Variants in MMGT1 observed in about 807,000 individuals in gnomAD.
MMGT1 encodes ER membrane protein complex subunit 5.
MMGT1 carries 2 observed loss-of-function variants against 11.7 expected under a neutral mutation model. That is an observed-to-expected ratio of 0.17 (90% CI 0.07 to 0.54). The LOEUF (loss-of-function observed/expected upper bound fraction) is 0.54. MMGT1 is among the 20% of genes least tolerant of loss of function. MMGT1 has a pLI of 0.94. For missense variants in MMGT1, 74 were observed against 109.0 expected (o/e 0.68, Z 1.43); for synonymous variants, 49 against 44.4 (o/e 1.10, Z -0.41).
intron 3 of MMGT1, among the ~76,000 whole-genome samples, chrX:135,965,424 T>C (rs2089179909): frequency 9.0e-6 from 1 of 111,585 alleles, no homozygotes; most frequent in Non-Finnish European, 1.9e-5. Flanking sequence ...AAAATAGAGA[T>C]AGGGTCTCAT....
intron 3 of MMGT1, among the ~76,000 whole-genome samples, chrX:135,966,667 C>T (rs2089188116): frequency 1.8e-5 from 2 of 111,641 alleles, no homozygotes; most frequent in Admixed American, 9.6e-5. Context: ...TCCTCTAACA[C>T]ATAAATGTTC....
At chrX:135,970,925 GAAAA>G in intron 2 of MMGT1, 129 bp downstream of exon 2, 1 of 456,638 alleles carries the variant, frequency 2.2e-6, no homozygotes, top group Non-Finnish European at 3.9e-6. Context: ...GAAAAGAAAA[GAAAA>G]GAAAAGTGGA....
rs1281575771 is a variant in MMGT1 at position 135,962,630 on chromosome X, T to C, written c.*2394A>G. The C allele has an allele frequency of 9.0e-6, 1 of 111,613 alleles. No individual in the cohort carries two copies. The highest frequency in any genetic ancestry group is 1.9e-5 in the Non-Finnish European group (1 of 53,110). The allele number at this position is 111,613 out of a possible 1,213,427, so 9.2% of individuals were successfully genotyped here. A position where few individuals can be genotyped will look rare whatever the true frequency, so the allele number is the denominator to read the frequency against. ...CACTGGAGTAAATGAAAAAAGAAAT[T>C]TGGGGAGCTCACCTGGCCTGAGGTA... On this transcript the variant is annotated 3_prime_UTR_variant, in exon 4 of 4. Transcript: ENST00000305963.
At chrX:135,970,863 C>G (rs1556612529) in intron 2 of MMGT1, among the ~76,000 whole-genome samples, 195 bp downstream of exon 2, 1 of 111,753 alleles carries the variant, frequency 8.9e-6, no homozygotes, top group Admixed American at 9.5e-5. Flanking sequence ...GAGCTGAGAT[C>G]AGGCCACTGC....
In MMGT1 at chrX:135,973,984, A is replaced by G; in HGVS notation, c.-309T>C. 1 of 970,422 alleles carries G rather than the reference A, an allele frequency of 1.0e-6. No individual in the cohort carries two copies. The highest frequency in any genetic ancestry group is 1.4e-6 in the Non-Finnish European group (1 of 734,232). The allele number at this position is 970,422 out of a possible 1,213,427, so 80.0% of individuals were successfully genotyped here. A position where few individuals can be genotyped will look rare whatever the true frequency, so the allele number is the denominator to read the frequency against. ...CGAAAGCGGGAGCTACGGGGAAGCG[A>G]AGAGGAAGGGCGCCGGCAAATGGGG... On this transcript the variant is annotated 5_prime_UTR_variant, in exon 1 of 4. Transcript: ENST00000305963.
intron 1 of MMGT1, 116 bp downstream of exon 1, chrX:135,973,481 G>A (rs782115844): frequency 1.5e-5 from 9 of 597,762 alleles, no homozygotes; most frequent in Non-Finnish European, 2.4e-5. Flanking sequence ...ACCCCAAACT[G>A]TAAGGTCTCA....
Position 135,961,157 on chromosome X carries a change from A to G in MMGT1, c.*3867T>C, listed in dbSNP as rs1249781675. Among the ~76,000 whole-genome samples, 3 of 111,745 alleles carry G rather than the reference A, an allele frequency of 2.7e-5. No homozygotes were observed. Among genetic ancestry groups the G allele is most frequent in the African/African-American group, 9.8e-5 (3 of 30,765 alleles). On this transcript the variant is annotated 3_prime_UTR_variant, in exon 4 of 4. Coordinates refer to ENST00000305963, the MANE Select transcript of MMGT1 (RefSeq NM_173470.3). ...TATATGTACAAGTATATTCACCACA[A>G]TGTGATTTAATATTGGAAACAACCT...
rs782411501 is a variant in MMGT1 at position 135,965,060 on chromosome X, T to G, written c.360A>C (p.Ser120=). Reference sequence around the variant, plus strand: ...GTGATTCGAGTTTTCGTAACTTCAATGATGTGTTAGAGGACAATGCATCTT... The same window carrying G: ...GTGATTCGAGTTTTCGTAACTTCAAGGATGTGTTAGAGGACAATGCATCTT... ...SNQDALSSNT[S]LKLRKLESLR... is the part of the protein sequence containing the mutation. Residue 120 remains serine (S), a synonymous_variant, in exon 4 of 4, where the codon TCA becomes TCC. Coordinates refer to ENST00000305963, the MANE Select transcript of MMGT1 (RefSeq NM_173470.3). The G allele has an allele frequency of 8.3e-7, 1 of 1,209,902 alleles. No individual in the cohort carries two copies. Among genetic ancestry groups the G allele is most frequent in the South Asian group, 1.8e-5 (1 of 56,748 alleles).
Position 135,971,076 on chromosome X carries a change from A to T in MMGT1, c.114T>A (p.Asp38Glu), listed in dbSNP as rs952095419. Residue 38 changes from aspartate (D) to glutamate (E), a missense_variant, in exon 2 of 4, where the codon GAT becomes GAA. Coordinates refer to ENST00000305963, the MANE Select transcript of MMGT1 (RefSeq NM_173470.3). ...AACTTACATCTATTGGCAGTGATTC[A>T]TCTTCTTTTTCTGTTAATCGCATAT... ...RSYMRLTEKE[D>E]ESLPIDIVLQ... is the part of the protein sequence containing the mutation. The T allele has an allele frequency of 3.4e-6, 4 of 1,184,304 alleles. No individual in the cohort carries two copies. Among genetic ancestry groups the T allele is most frequent in the South Asian group, 1.8e-5 (1 of 55,762 alleles).
At chrX:135,972,362 G>GA (rs1209731522) in intron 1 of MMGT1, among the ~76,000 whole-genome samples, 1 of 112,473 alleles carries the variant, frequency 8.9e-6, no homozygotes, top group Non-Finnish European at 1.9e-5. Context: ...TCTTGAAGAA[G>GA]AATGTGTTTA....
intron 2 of MMGT1, among the ~76,000 whole-genome samples, chrX:135,969,621 A>G (rs1334236795): frequency 8.9e-6 from 1 of 112,061 alleles, no homozygotes; most frequent in Non-Finnish European, 1.9e-5. Context: ...TACAGGCGTG[A>G]GCCACCATGC....
In MMGT1 at chrX:135,961,656, T is replaced by C. The variant is rs782355670; in HGVS notation, c.*3368A>G. On this transcript the variant is annotated 3_prime_UTR_variant, in exon 4 of 4. Transcript: ENST00000305963. ...TGTAGATAAGTGCCAAGTTTTGCAATTTAGAACTTCCCCTTGGATTTTCAT... is the reference window on the plus strand; with the variant it reads ...TGTAGATAAGTGCCAAGTTTTGCAACTTAGAACTTCCCCTTGGATTTTCAT... Among the ~76,000 whole-genome samples, 19 of 111,772 alleles carry C rather than the reference T, an allele frequency of 1.7e-4. 1 individual carries two copies. In the South Asian group the frequency reaches 6.3e-3, roughly 37 times the overall value.
intron 3 of MMGT1, 23 bp downstream of exon 3, chrX:135,967,367 C>A (rs1556612085): frequency 3.3e-6 from 3 of 913,796 alleles, no homozygotes; most frequent in Admixed American, 5.0e-5. Context: ...AAATGCAATG[C>A]CTATGAAAAG....
intron 2 of MMGT1, among the ~76,000 whole-genome samples, chrX:135,969,656 AAC>A (rs782316365): frequency 1.8e-5 from 2 of 112,320 alleles, no homozygotes; most frequent in South Asian, 7.3e-4. Context: ...TGTTTTATAT[AAC>A]ACAGTCACAG....
At chrX:135,966,916 G>C (rs2089189757) in intron 3 of MMGT1, among the ~76,000 whole-genome samples, 1 of 111,169 alleles carries the variant, frequency 9.0e-6, no homozygotes, top group South Asian at 3.8e-4. Flanking sequence ...CCTGGGAGCA[G>C]AGCTTATCTC....
chrX:135,965,127 C>T lies in MMGT1; in HGVS notation c.293G>A (p.Arg98Gln). The change falls in exon 4 of 4, where the codon CGA (arginine) becomes CAA (glutamine). Residue 98 changes from arginine to glutamine, a missense_variant. This residue lies in a region of MMGT1 where 34 missense variants were observed against 29.3 expected (regional missense o/e 1.16). Transcript: ENST00000305963. ...TGTATCCGAAGGCCGGAAAAGTACT[C>T]GACCACGATGATTAAATACATAAAA... ...PSFYVFNHRG[R>Q]VLFRPSDTAN... is the part of the protein sequence containing the mutation. 1 of 1,208,051 alleles carries T rather than the reference C, an allele frequency of 8.3e-7. No individual in the cohort carries two copies. The highest frequency in any genetic ancestry group is 1.1e-6 in the Non-Finnish European group (1 of 892,586).
chrX:135,965,636 T>C (rs888446691), intron 3 of MMGT1, among the ~76,000 whole-genome samples: 1 of 111,013 alleles, frequency 9.0e-6, no homozygotes, highest in Non-Finnish European at 1.9e-5. Context: ...ACTCCTAGGA[T>C]CAAGCAATTC....
chrX:135,972,044 A>G (rs1013863442), intron 1 of MMGT1, among the ~76,000 whole-genome samples: 2 of 112,194 alleles, frequency 1.8e-5, no homozygotes, highest in African/African-American at 3.2e-5. Context: ...GATACAGTAA[A>G]TGACTGGTGC....
intron 3 of MMGT1, among the ~76,000 whole-genome samples, chrX:135,967,129 T>C (rs2089191059): frequency 8.9e-6 from 1 of 111,756 alleles, no homozygotes; most frequent in Admixed American, 9.5e-5. Flanking sequence ...TCTATATATC[T>C]ATTTTCATCC....
Sources: allele counts gnomAD v4.1 joint callset (sites outside exome capture counted in the v4.1 genomes callset), GRCh38; gene constraint gnomAD v4.1.1; regional missense constraint gnomAD v4.1.1; transcripts MANE v1.5; gene names NCBI Gene and HGNC (gene_info 2026-07-23, HGNC 2026-07-21).